Variants in BZW2 observed in about 807,000 individuals in gnomAD.
BZW2 encodes the protein eIF5-mimic protein 1.
In BZW2, 23 loss-of-function variants were observed where a neutral mutation model predicts 53.2. That is an observed-to-expected ratio of 0.43 (90% CI 0.31 to 0.61). The LOEUF (loss-of-function observed/expected upper bound fraction) is 0.61. Among genes scored for constraint, BZW2 ranks in the 20% least tolerant of loss-of-function variants. BZW2 has a pLI of 0.09. For missense variants in BZW2, 409 were observed against 503.1 expected (o/e 0.81, Z 1.79); for synonymous variants, 227 against 186.4 (o/e 1.22, Z -1.77).
chr7:16,684,615 T>C (rs1226247490), intron 5 of BZW2, among the ~76,000 whole-genome samples: 1 of 152,180 alleles, frequency 6.6e-6, no homozygotes, highest in Admixed American at 6.5e-5. Context: ...GTTATTTATT[T>C]TTATAATGGA....
chr7:16,700,594 A>C (rs552484572), intron 10 of BZW2, among the ~76,000 whole-genome samples: 1 of 152,318 alleles, frequency 6.6e-6, no homozygotes, highest in Non-Finnish European at 1.5e-5. Flanking sequence ...GTTGGGCCTG[A>C]GAATTTTCAT....
chr7:16,656,971 A>G (rs1051366827), intron 1 of BZW2, among the ~76,000 whole-genome samples: 1 of 152,156 alleles, frequency 6.6e-6, no homozygotes, highest in Non-Finnish European at 1.5e-5. Flanking sequence ...AACACAAGAC[A>G]TCCCAGGATC....
chr7:16,683,192 T>C (rs1242291925), intron 5 of BZW2, among the ~76,000 whole-genome samples: 1 of 152,108 alleles, frequency 6.6e-6, no homozygotes, highest in Non-Finnish European at 1.5e-5. Flanking sequence ...CAAGACTCCA[T>C]CTCAAAAAAT....
chr7:16,684,654 T>C (rs1489028187), intron 5 of BZW2, among the ~76,000 whole-genome samples: 4 of 152,200 alleles, frequency 2.6e-5, no homozygotes, highest in Non-Finnish European at 5.9e-5. Flanking sequence ...ATGAACTGTC[T>C]ATATTTATGT....
At chr7:16,701,208 A>G (rs944575668) in intron 10 of BZW2, among the ~76,000 whole-genome samples, 2 of 152,188 alleles carry the variant, frequency 1.3e-5, no homozygotes, top group Non-Finnish European at 2.9e-5. Flanking sequence ...GTAGTAAGAA[A>G]CAGTAAATCC....
At chr7:16,678,189 C>T (rs1277843122) in intron 3 of BZW2, among the ~76,000 whole-genome samples, 3 of 148,440 alleles carry the variant, frequency 2.0e-5, no homozygotes, top group Non-Finnish European at 3.0e-5. Context: ...CTCGAGTAGC[C>T]GGGATTACAG....
intron 10 of BZW2, among the ~76,000 whole-genome samples, chr7:16,698,518 A>G (rs961667432): frequency 3.3e-5 from 5 of 152,252 alleles, no homozygotes; most frequent in South Asian, 4.1e-4. Flanking sequence ...TCTAATAACA[A>G]TGATTATCAA....
intron 5 of BZW2, 29 bp from the exon 6 acceptor site, chr7:16,685,876 C>CTTTT (rs34699573): frequency 3.3e-4 from 426 of 1,294,500 alleles, no homozygotes; most frequent in South Asian, 1.5e-3. Flanking sequence ...TTTTCTTTTT[C>CTTTT]TTTTTTTTTT....
chr7:16,677,056 T>C (rs992727364), intron 3 of BZW2, among the ~76,000 whole-genome samples: 10 of 147,818 alleles, frequency 6.8e-5, no homozygotes, highest in Non-Finnish European at 1.5e-4. Flanking sequence ...GATTTCTTTT[T>C]TTTTTTTTTT....
At chr7:16,658,642 C>G (rs706025) in intron 1 of BZW2, among the ~76,000 whole-genome samples, 2 of 151,618 alleles carry the variant, frequency 1.3e-5, no homozygotes, top group African/African-American at 4.8e-5. Flanking sequence ...TTTGGGAGGC[C>G]GGGGTGGGCA....
At chr7:16,661,241 G>C (rs1369507790) in intron 1 of BZW2, 1 of 152,132 alleles carries the variant, frequency 6.6e-6, no homozygotes, top group Non-Finnish European at 1.5e-5. Context: ...CCCTTGTAGG[G>C]ACAACTAGAA....
intron 5 of BZW2, among the ~76,000 whole-genome samples, chr7:16,684,761 T>C (rs192828999): frequency 6.6e-6 from 1 of 152,328 alleles, no homozygotes; most frequent in African/African-American, 2.4e-5. Context: ...AGATGTTAAC[T>C]TCTTTTTAAT....
chr7:16,648,819 A>C (rs943353644), intron 1 of BZW2, among the ~76,000 whole-genome samples: 1 of 152,034 alleles, frequency 6.6e-6, no homozygotes, highest in Non-Finnish European at 1.5e-5. Flanking sequence ...TTTTCACTGA[A>C]TCTCCTCTCC....
chr7:16,678,900 G>A (rs377702394), intron 3 of BZW2, among the ~76,000 whole-genome samples: 5 of 152,194 alleles, frequency 3.3e-5, no homozygotes, highest in African/African-American at 4.8e-5. Context: ...GACAGTGTAC[G>A]AATAGAGTGT....
At chr7:16,682,110 G>A (rs1345765595) in intron 4 of BZW2, among the ~76,000 whole-genome samples, 7 of 152,042 alleles carry the variant, frequency 4.6e-5, no homozygotes, top group Non-Finnish European at 1.0e-4. Context: ...ATTAGGAAAC[G>A]AATACACCAA....
chr7:16,660,039 G>A (rs1035812957), intron 1 of BZW2, among the ~76,000 whole-genome samples: 2 of 149,758 alleles, frequency 1.3e-5, no homozygotes, highest in Non-Finnish European at 3.0e-5. Context: ...GTGTCCACGT[G>A]TTCTCATTGT....
rs1411914258 is a variant in BZW2 at position 16,691,142 on chromosome 7, T to TA, written c.651+1242dup. On this transcript the variant is annotated intron_variant, in intron 7 of 11. Coordinates refer to ENST00000258761, the MANE Select transcript of BZW2 (RefSeq NM_014038.3). ...TGTGTTTAAAGTTTTTAGATTATGG[T>TA]AAAAAAGGTACAGAAGTCTAGATTC... 3.9e-5 allele frequency among the ~76,000 whole-genome samples: 6 copies of TA among 152,202 alleles called. No homozygotes were observed. The South Asian group carries it at 6.2e-4, about 16-fold the overall frequency.
At chr7:16,660,348 A>G (rs1782222326) in intron 1 of BZW2, among the ~76,000 whole-genome samples, 1 of 151,042 alleles carries the variant, frequency 6.6e-6, no homozygotes, top group South Asian at 2.1e-4. Flanking sequence ...TGCAGTGAGC[A>G]GATATCACAC....
At chr7:16,679,678 A>G (rs1782877897) in intron 3 of BZW2, among the ~76,000 whole-genome samples, 2 of 152,198 alleles carry the variant, frequency 1.3e-5, no homozygotes, top group African/African-American at 4.8e-5. Flanking sequence ...CTAATACTCA[A>G]ACAAATAAAG....
Sources: allele counts gnomAD v4.1 joint callset (sites outside exome capture counted in the v4.1 genomes callset), GRCh38; gene constraint gnomAD v4.1.1; transcripts MANE v1.5; gene names NCBI Gene and HGNC (gene_info 2026-07-23, HGNC 2026-07-21).